Variants in ERBB4 observed in about 807,000 individuals in gnomAD.
ERBB4 encodes the protein erb-b2 receptor tyrosine kinase 4.
Under a neutral mutation model 158.0 loss-of-function variants are expected in ERBB4, and 42 were observed. The ratio of observed to expected loss-of-function variants is 0.27; its 90% confidence interval spans 0.21 to 0.34. The LOEUF is 0.34. ERBB4 is among the 10% of genes least tolerant of loss of function. The pLI, the probability that ERBB4 is intolerant of heterozygous loss-of-function variation, is 1.00. For missense variants in ERBB4, 1,333 were observed against 1,624.1 expected, an observed-to-expected ratio of 0.82 and a Z score of 3.08; for synonymous variants, 583 against 558.7, an observed-to-expected ratio of 1.04 and a Z score of -0.61.
At chr2:212,280,139 AGACT>A (rs1398729197) in intron 1 of ERBB4, among the ~76,000 whole-genome samples, 1 of 151,644 alleles carries the variant, frequency 6.6e-6, no homozygotes, top group Non-Finnish European at 1.5e-5. Flanking sequence ...ATACCAACAC[AGACT>A]GAGTAAATAA....
rs2079600342 is a variant in ERBB4 at position 212,117,328 on chromosome 2, T to C, written c.234+7424A>G. Among the ~76,000 whole-genome samples the C allele has an allele frequency of 2.6e-5, 4 of 152,202 alleles. No homozygotes were observed. The South Asian group carries it at 8.3e-4, about 31-fold the overall frequency. On this transcript the variant is annotated intron_variant, in intron 2 of 27. Coordinates refer to ENST00000342788, the MANE Select transcript of ERBB4 (RefSeq NM_005235.3). ...AAAAGTTCCATCACCATCTCTTTTT[T>C]AATGCTTGTTTACCCAACCAATAGT...
intron 1 of ERBB4, among the ~76,000 whole-genome samples, chr2:212,505,182 T>C (rs570655409): frequency 6.6e-6 from 1 of 152,258 alleles, no homozygotes; most frequent in East Asian, 1.9e-4. Context: ...CTGCAACCTC[T>C]GCCTCCCGGG....
chr2:212,033,622 G>T (rs1256413777), intron 2 of ERBB4, among the ~76,000 whole-genome samples: 1 of 151,738 alleles, frequency 6.6e-6, no homozygotes, highest in Non-Finnish European at 1.5e-5. Context: ...CCAGGAAATT[G>T]TAAAAATTGT....
rs1444812314 is a variant in ERBB4, at chr2:212,446,583, ATATATATG to A, written c.82+91858_82+91865del. Among the ~76,000 whole-genome samples, 102 of 18,732 alleles carry A rather than the reference ATATATATG, an allele frequency of 5.4e-3. 7 individuals carry two copies. Among genetic ancestry groups the A allele is most frequent in the African/African-American group, 0.027 (37 of 1,368 alleles). 12.3% of individuals were successfully genotyped at this position (18,732 alleles called of 152,430 possible). On this transcript the variant is annotated intron_variant, in intron 1 of 27. Transcript: ENST00000342788. ...GTTAATACTTAATAAACTCCCATAT[ATATATATG>A]TATATATATATATATATATATATAT...
rs75780591 is a variant in ERBB4, at chr2:211,517,707, C to T, written c.2487+44196G>A. On this transcript the variant is annotated intron_variant, in intron 20 of 27. Coordinates refer to ENST00000342788, the MANE Select transcript of ERBB4 (RefSeq NM_005235.3). ...ACAAGAAAGCGAATCACTGTGCTTACATAAATTACATAAAAATCCAAGACA... is the reference window on the plus strand; with the variant it reads ...ACAAGAAAGCGAATCACTGTGCTTATATAAATTACATAAAAATCCAAGACA... Among the ~76,000 whole-genome samples the T allele has an allele frequency of 4.4e-3, 666 of 152,158 alleles. 9 individuals carry two copies. The highest frequency in any genetic ancestry group is 0.015 in the African/African-American group (628 of 41,518).
At chr2:212,214,453 T>G (rs1269007537) in intron 1 of ERBB4, among the ~76,000 whole-genome samples, 1 of 151,888 alleles carries the variant, frequency 6.6e-6, no homozygotes, top group African/African-American at 2.4e-5. Context: ...GTTTTTATAC[T>G]TCATGGACAT....
chr2:212,326,532 G>T (rs988584714), intron 1 of ERBB4, among the ~76,000 whole-genome samples: 1 of 150,712 alleles, frequency 6.6e-6, no homozygotes, highest in Non-Finnish European at 1.5e-5. Context: ...TAGCCCAAAA[G>T]CTCCTTACAT....
intron 3 of ERBB4, among the ~76,000 whole-genome samples, chr2:211,907,107 C>T (rs2079415521): frequency 1.3e-5 from 2 of 151,830 alleles, no homozygotes; most frequent in African/African-American, 4.8e-5. Context: ...TTAACTGATA[C>T]ATTTCTTAAG....
At chr2:212,460,004 G>A (rs1310765829) in intron 1 of ERBB4, among the ~76,000 whole-genome samples, 1 of 152,114 alleles carries the variant, frequency 6.6e-6, no homozygotes, top group Non-Finnish European at 1.5e-5. Flanking sequence ...TGAATCATGA[G>A]GGTAAGTCTT....
At chr2:212,168,208 C>T (rs1284284632) in intron 1 of ERBB4, among the ~76,000 whole-genome samples, 2 of 151,926 alleles carry the variant, frequency 1.3e-5, no homozygotes, top group Admixed American at 1.3e-4. Context: ...GAAATCTTTC[C>T]TTTTTGCATT....
chr2:212,288,913 T>C (rs567893463), intron 1 of ERBB4, among the ~76,000 whole-genome samples: 1 of 152,126 alleles, frequency 6.6e-6, no homozygotes, highest in East Asian at 1.9e-4. Context: ...GATGCAGATG[T>C]TATATATTAA....
At chr2:211,809,657 T>C (rs2076703241) in intron 3 of ERBB4, among the ~76,000 whole-genome samples, 1 of 152,118 alleles carries the variant, frequency 6.6e-6, no homozygotes, top group African/African-American at 2.4e-5. Context: ...GATTCACTGA[T>C]TTTTTTGAAG....
chr2:212,535,531 C>T (rs1693002868), intron 1 of ERBB4, among the ~76,000 whole-genome samples: 1 of 152,104 alleles, frequency 6.6e-6, no homozygotes, highest in African/African-American at 2.4e-5. Context: ...ACTTGTTCAT[C>T]GTTTATCTAC....
chr2:211,785,902 T>C (rs2076151215), intron 4 of ERBB4, among the ~76,000 whole-genome samples: 1 of 152,204 alleles, frequency 6.6e-6, no homozygotes, highest in African/African-American at 2.4e-5. Flanking sequence ...TGAATTAAAG[T>C]ATTTGTTTTG....
chr2:211,892,724 A>C lies in ERBB4; in HGVS notation c.421+54706T>G, dbSNP rs553301056. The stretch of plus-strand genomic sequence containing the variant: ...AACTTCAGCAAAGTCTCAGGATACA[A>C]AATCAATGTACAAAATTCACAAGCA... On this transcript the variant is annotated intron_variant, in intron 3 of 27. Transcript: ENST00000342788. 2.7e-5 allele frequency among the ~76,000 whole-genome samples: 4 copies of C among 145,606 alleles called. No individual in the cohort carries two copies. In the South Asian group the frequency reaches 8.4e-4, roughly 31 times the overall value.
At position 212,226,415 on chromosome 2, in the gene ERBB4, G is replaced by GT. The variant is rs1292974299; in HGVS notation, c.83-101513_83-101512insA. On this transcript the variant is annotated intron_variant, in intron 1 of 27. Coordinates refer to ENST00000342788, the MANE Select transcript of ERBB4 (RefSeq NM_005235.3). ...GAATTGACATAGTAAAGACATGGGG[G>GT]GGGGTTTGACCCATTAAATTTGTGA... Among the ~76,000 whole-genome samples, 7 of 151,552 alleles carry GT rather than the reference G, an allele frequency of 4.6e-5. No homozygotes were observed. The East Asian group carries it at 1.4e-3, about 30-fold the overall frequency.
intron 20 of ERBB4, among the ~76,000 whole-genome samples, chr2:211,469,913 G>T (rs77696315): frequency 3.3e-5 from 5 of 152,040 alleles, no homozygotes; most frequent in Admixed American, 1.3e-4. Flanking sequence ...GTGGGCTTGG[G>T]GGGGGAGATT....
intron 2 of ERBB4, among the ~76,000 whole-genome samples, chr2:211,991,339 CTGT>C (rs2082070238): frequency 3.9e-5 from 6 of 152,140 alleles, no homozygotes; most frequent in African/African-American, 1.4e-4. Flanking sequence ...TGTATTTGTA[CTGT>C]ATTTGACCAA....
At chr2:212,513,247 G>A (rs1691626517) in intron 1 of ERBB4, among the ~76,000 whole-genome samples, 1 of 152,078 alleles carries the variant, frequency 6.6e-6, no homozygotes, top group African/African-American at 2.4e-5. Flanking sequence ...TGTGCTGAAT[G>A]AAATGAAATA....
Sources: allele counts gnomAD v4.1 joint callset (sites outside exome capture counted in the v4.1 genomes callset), GRCh38; gene constraint gnomAD v4.1.1; transcripts MANE v1.5; gene names NCBI Gene and HGNC (gene_info 2026-07-23, HGNC 2026-07-21).